Variants in FAM24B observed in about 807,000 individuals in gnomAD.
The protein encoded by FAM24B is protein FAM24B.
A neutral mutation model predicts 2.3 loss-of-function variants in FAM24B; 3 were observed. The observed-to-expected ratio is 1.29, with a 90% CI of 0.59 to 3.32. The LOEUF (loss-of-function observed/expected upper bound fraction) is 3.32, where lower values mean the gene tolerates loss of function less well. Ranked by LOEUF, FAM24B falls within the 30% of genes most tolerant of loss-of-function variation. FAM24B has a pLI of 0.03. For synonymous variants in FAM24B, 36 were observed against 46.3 expected (o/e 0.78, Z 0.90); for missense variants, 98 against 117.2 (o/e 0.84, Z 0.76).
chr10:122,861,139 T>C (rs1488798988), intron 1 of FAM24B, among the ~76,000 whole-genome samples: 1 of 152,206 alleles, frequency 6.6e-6, no homozygotes, highest in Non-Finnish European at 1.5e-5. Context: ...TATTTTCTTC[T>C]GTATGTTTTA....
At chr10:122,867,135 G>C (rs1847815786) in intron 1 of FAM24B, among the ~76,000 whole-genome samples, 1 of 152,204 alleles carries the variant, frequency 6.6e-6, no homozygotes, top group African/African-American at 2.4e-5. Context: ...ATTCCCTCAA[G>C]CCAAAACCTA....
intron 1 of FAM24B, among the ~76,000 whole-genome samples, chr10:122,873,441 A>G (rs1425833045): frequency 4.6e-5 from 7 of 152,262 alleles, no homozygotes; most frequent in Non-Finnish European, 7.3e-5. Flanking sequence ...CTCAGAAAAA[A>G]GTTCCTTTCA....
intron 1 of FAM24B, among the ~76,000 whole-genome samples, chr10:122,862,674 A>G (rs1847744068): frequency 6.6e-6 from 1 of 152,216 alleles, no homozygotes; most frequent in Non-Finnish European, 1.5e-5. Context: ...ATTATAAAGA[A>G]TAAGTCAGGT....
intron 1 of FAM24B, among the ~76,000 whole-genome samples, chr10:122,871,913 G>A (rs1320463547): frequency 6.6e-6 from 1 of 152,114 alleles, no homozygotes; most frequent in Non-Finnish European, 1.5e-5. Flanking sequence ...AAAAGCAATG[G>A]CAACAAAAGC....
chr10:122,861,841 T>C (rs1566256022), intron 1 of FAM24B, among the ~76,000 whole-genome samples: 1 of 152,186 alleles, frequency 6.6e-6, no homozygotes, highest in Non-Finnish European at 1.5e-5. Context: ...TAGTCAGCCA[T>C]ATCATTTTTC....
At chr10:122,872,379 G>A (rs966885847) in intron 1 of FAM24B, among the ~76,000 whole-genome samples, 5 of 152,164 alleles carry the variant, frequency 3.3e-5, no homozygotes, top group Admixed American at 2.0e-4. Context: ...TCAGTGTGGC[G>A]ATTCCTCAAG....
chr10:122,865,511 TTC>T (rs1847789886), intron 1 of FAM24B, among the ~76,000 whole-genome samples: 1 of 152,166 alleles, frequency 6.6e-6, no homozygotes, highest in Admixed American at 6.6e-5. Context: ...ACTTGTTGGA[TTC>T]TGTTTGATAT....
At chr10:122,873,156 C>G (rs1847925145) in intron 1 of FAM24B, among the ~76,000 whole-genome samples, 1 of 152,086 alleles carries the variant, frequency 6.6e-6, no homozygotes. Context: ...TTCTATAGGA[C>G]AAAGATGCCC....
rs565468399 is a variant in FAM24B, at chr10:122,850,384, C to T, written c.92+40G>A. On this transcript the variant is annotated intron_variant, in intron 3 of 3. Coordinates refer to ENST00000368898, the MANE Select transcript of FAM24B (RefSeq NM_152644.3). ...GTGCTATCCCCTTTTCCCCATGTGA[C>T]TCACTTTAGTACGTTGTTTATTTTG... The T allele has an allele frequency of 2.6e-6, 4 of 1,522,154 alleles. No homozygotes were observed. In the South Asian group the frequency reaches 4.5e-5, roughly 17 times the overall value. The allele number at this position is 1,522,154 out of a possible 1,614,324, so 94.3% of individuals were successfully genotyped here.
chr10:122,858,058 T>A (rs1847666784), intron 1 of FAM24B, among the ~76,000 whole-genome samples: 1 of 152,180 alleles, frequency 6.6e-6, no homozygotes. Flanking sequence ...ACTGGGTATA[T>A]ACCCAAAGGA....
rs373091830 is a variant in FAM24B at position 122,866,879 on chromosome 10, G to A, written c.-177-11093C>T. 5.3e-5 allele frequency among the ~76,000 whole-genome samples: 8 copies of A among 152,222 alleles called. No individual in the cohort carries two copies. In the East Asian group the frequency reaches 9.7e-4, roughly 18 times the overall value. ...TCAAATGAAAGGAAGAGTCATGTAC[G>A]TCATATTTTAAATCAAAAGCTAGAA... On this transcript the variant is annotated intron_variant, in intron 1 of 3. Coordinates refer to ENST00000368898, the MANE Select transcript of FAM24B (RefSeq NM_152644.3).
chr10:122,872,679 C>A (rs545190531), intron 1 of FAM24B, among the ~76,000 whole-genome samples: 4 of 151,888 alleles, frequency 2.6e-5, no homozygotes, highest in Non-Finnish European at 5.9e-5. Flanking sequence ...AGCAAACTAT[C>A]GCAAGGACAG....
intron 1 of FAM24B, among the ~76,000 whole-genome samples, chr10:122,862,506 T>C (rs1847741269): frequency 6.6e-6 from 1 of 152,234 alleles, no homozygotes; most frequent in Non-Finnish European, 1.5e-5. Context: ...GGAATTTTAT[T>C]ATTTTTCTTT....
chr10:122,874,707 G>C (rs1357814772), intron 1 of FAM24B, among the ~76,000 whole-genome samples: 1 of 152,138 alleles, frequency 6.6e-6, no homozygotes, highest in Non-Finnish European at 1.5e-5. Context: ...AATATGCCTA[G>C]GTACAGACTA....
intron 1 of FAM24B, among the ~76,000 whole-genome samples, chr10:122,866,420 T>C (rs939550883): frequency 2.6e-5 from 4 of 151,880 alleles, no homozygotes; most frequent in African/African-American, 9.7e-5. Flanking sequence ...GTTTTAGGTA[T>C]ACAGGCATAC....
intron 1 of FAM24B, among the ~76,000 whole-genome samples, chr10:122,872,096 A>G (rs1344765515): frequency 6.6e-6 from 1 of 152,228 alleles, no homozygotes; most frequent in African/African-American, 2.4e-5. Flanking sequence ...TTTACAAGAA[A>G]AAAACAACCC....
intron 1 of FAM24B, among the ~76,000 whole-genome samples, chr10:122,861,094 T>A (rs1847719868): frequency 6.6e-6 from 1 of 152,200 alleles, no homozygotes; most frequent in Non-Finnish European, 1.5e-5. Context: ...ATCTAAAATG[T>A]CATTGCCAAA....
chr10:122,867,396 A>C (rs1334339170), intron 1 of FAM24B, among the ~76,000 whole-genome samples: 1 of 152,062 alleles, frequency 6.6e-6, no homozygotes, highest in Admixed American at 6.5e-5. Flanking sequence ...GACAGCAATA[A>C]CCTCTGCAGA....
intron 1 of FAM24B, among the ~76,000 whole-genome samples, chr10:122,879,169 A>G (rs1357325039): frequency 6.6e-6 from 1 of 152,244 alleles, no homozygotes; most frequent in African/African-American, 2.4e-5. Flanking sequence ...CATCCAGCAT[A>G]GTCCTGGCAA....
Sources: allele counts gnomAD v4.1 joint callset (sites outside exome capture counted in the v4.1 genomes callset), GRCh38; gene constraint gnomAD v4.1.1; transcripts MANE v1.5; gene names NCBI Gene and HGNC (gene_info 2026-07-23, HGNC 2026-07-21).